RTKN2: variants seen among roughly 807,000 people sequenced by gnomAD.
RTKN2 encodes the protein rhotekin 2.
Under a neutral mutation model 71.5 loss-of-function variants are expected in RTKN2, and 69 were observed. That is an observed-to-expected ratio of 0.96 (90% confidence interval 0.79 to 1.18). The LOEUF is 1.18. Ranked by LOEUF, RTKN2 falls within the 50% of genes most tolerant of loss-of-function variation. RTKN2 has a pLI of 0.00. For missense variants in RTKN2, 724 were observed against 719.7 expected, an observed-to-expected ratio of 1.01 and a Z score of -0.07; for synonymous variants, 236 against 236.5, an observed-to-expected ratio of 1.00 and a Z score of 0.02.
At chr10:62,264,426 C>A (rs1842832622) in intron 1 of RTKN2, among the ~76,000 whole-genome samples, 1 of 152,190 alleles carries the variant, frequency 6.6e-6, no homozygotes, top group South Asian at 2.1e-4. Context: ...TTACACATGA[C>A]TGAATTTCAA....
intron 9 of RTKN2, among the ~76,000 whole-genome samples, chr10:62,207,418 G>A (rs1841569703): frequency 6.6e-6 from 1 of 151,978 alleles, no homozygotes; most frequent in Non-Finnish European, 1.5e-5. Flanking sequence ...TAATTTAATG[G>A]AAAACTTTTA....
chr10:62,212,490 C>A (rs562378209), intron 9 of RTKN2, among the ~76,000 whole-genome samples: 487 of 152,058 alleles, frequency 3.2e-3, no homozygotes, highest in Non-Finnish European at 5.0e-3. Context: ...ATTGCTTGAG[C>A]CGAGGAGTTT....
At chr10:62,202,069 A>G (rs1022391056) in intron 10 of RTKN2, among the ~76,000 whole-genome samples, 8 of 152,148 alleles carry the variant, frequency 5.3e-5, no homozygotes, top group Non-Finnish European at 1.0e-4. Context: ...TAAAAATTTA[A>G]TGTTCCAAAT....
chr10:62,243,049 T>G (rs952080791), intron 3 of RTKN2, among the ~76,000 whole-genome samples: 1 of 151,984 alleles, frequency 6.6e-6, no homozygotes, highest in African/African-American at 2.4e-5. Context: ...TTGTTACATA[T>G]GTATACATGT....
chr10:62,267,438 T>C (rs537858399), intron 1 of RTKN2, among the ~76,000 whole-genome samples: 1 of 152,180 alleles, frequency 6.6e-6, no homozygotes, highest in East Asian at 1.9e-4. Context: ...TAAATCAAGA[T>C]TTTGTTAGCA....
At position 62,197,893 on chromosome 10, in the gene RTKN2, A is replaced by T; in HGVS notation, c.*15T>A. On this transcript the variant is annotated 3_prime_UTR_variant, in exon 12 of 12. Coordinates refer to ENST00000373789, the MANE Select transcript of RTKN2 (RefSeq NM_145307.4). ...AGTTATAGATTTTGTTAAATGTTTT[A>T]TCATTAAGAGTTTTCTATACTTGTG... 1 of 1,585,298 alleles carries T rather than the reference A, an allele frequency of 6.3e-7. No homozygotes were observed. Among genetic ancestry groups the T allele is most frequent in the Non-Finnish European group, 8.6e-7 (1 of 1,168,344 alleles).
chr10:62,240,897 C>T (rs564673689), intron 4 of RTKN2, among the ~76,000 whole-genome samples: 13 of 152,194 alleles, frequency 8.5e-5, no homozygotes, highest in African/African-American at 1.2e-4. Context: ...ACTCTGAACC[C>T]GGTACTTACT....
intron 2 of RTKN2, among the ~76,000 whole-genome samples, chr10:62,260,974 A>G (rs1288197323): frequency 6.6e-6 from 1 of 152,188 alleles, no homozygotes; most frequent in Non-Finnish European, 1.5e-5. Flanking sequence ...AGGAATAAGA[A>G]AGCAGAACCT....
intron 2 of RTKN2, among the ~76,000 whole-genome samples, chr10:62,252,071 T>A (rs532110312): frequency 6.6e-6 from 1 of 152,074 alleles, no homozygotes; most frequent in South Asian, 2.1e-4. Flanking sequence ...GAAATAATAT[T>A]TTTATATAAT....
chr10:62,215,064 C>A lies in RTKN2; in HGVS notation c.1020+2054G>T, dbSNP rs536051486. ...TGAGATATGGCGAGTTGAATTCCTT[C>A]GAGACTGTCTTCAAATAAAACTAAT... On this transcript the variant is annotated intron_variant, in intron 9 of 11. Coordinates refer to ENST00000373789, the MANE Select transcript of RTKN2 (RefSeq NM_145307.4). 4 of 1,518,864 alleles carry A rather than the reference C, an allele frequency of 2.6e-6. No homozygotes were observed. In the African/African-American group the frequency reaches 4.2e-5, roughly 16 times the overall value. The allele number at this position is 1,518,864 out of a possible 1,614,324, so 94.1% of individuals were successfully genotyped here.
At chr10:62,244,158 C>T (rs139233209) in intron 3 of RTKN2, among the ~76,000 whole-genome samples, 3 of 152,220 alleles carry the variant, frequency 2.0e-5, no homozygotes, top group South Asian at 2.1e-4. Flanking sequence ...ACAAAGGTCA[C>T]ATTTTCATCC....
chr10:62,218,722 G>T (rs1841834558), intron 7 of RTKN2, among the ~76,000 whole-genome samples: 1 of 152,144 alleles, frequency 6.6e-6, no homozygotes, highest in African/African-American at 2.4e-5. Flanking sequence ...GTGATCCTCT[G>T]AATAAAACAT....
In RTKN2 at chr10:62,196,910, T is replaced by C. The variant is rs938866547; in HGVS notation, c.*998A>G. ...CACTATGATTAGTTGCTATGGAAATTACCTCCTATGGAAATGATTCCAATG... is the reference window on the plus strand; with the variant it reads ...CACTATGATTAGTTGCTATGGAAATCACCTCCTATGGAAATGATTCCAATG... On this transcript the variant is annotated 3_prime_UTR_variant, in exon 12 of 12. Coordinates refer to ENST00000373789, the MANE Select transcript of RTKN2 (RefSeq NM_145307.4). 1.0e-6 allele frequency: 1 copy of C among 983,860 alleles called. No homozygotes were observed. The highest frequency in any genetic ancestry group is 6.2e-5 in the Admixed American group (1 of 16,238). 60.9% of individuals were successfully genotyped at this position (983,860 alleles called of 1,614,324 possible). A position where few individuals can be genotyped will look rare whatever the true frequency, so the allele number is the denominator to read the frequency against.
At chr10:62,235,897 A>G (rs1842247768) in intron 6 of RTKN2, among the ~76,000 whole-genome samples, 169 bp downstream of exon 6, 1 of 152,080 alleles carries the variant, frequency 6.6e-6, no homozygotes, top group Non-Finnish European at 1.5e-5. Flanking sequence ...CCTACCTTTA[A>G]AGGAGGGTAT....
At chr10:62,234,514 G>C (rs1232033909) in intron 6 of RTKN2, among the ~76,000 whole-genome samples, 1 of 146,596 alleles carries the variant, frequency 6.8e-6, no homozygotes, top group South Asian at 2.1e-4. Flanking sequence ...AAAAGAAAAA[G>C]AAAAAGAAAA....
rs112515520 is a variant in RTKN2, at chr10:62,235,992, C to T, written c.686+74G>A. ...TTTTTCCATTTATAAAGTAAACATA[C>T]ACTTCACATATAATACTTTAAAATA... On this transcript the variant is annotated intron_variant, in intron 6 of 11. Transcript: ENST00000373789. 15 of 1,064,104 alleles carry T rather than the reference C, an allele frequency of 1.4e-5. No homozygotes were observed. In the African/African-American group the frequency reaches 1.5e-4, roughly 10 times the overall value. 65.9% of individuals were successfully genotyped at this position (1,064,104 alleles called of 1,614,324 possible).
At chr10:62,238,555 T>A (rs1443473946) in intron 5 of RTKN2, 1 of 151,982 alleles carries the variant, frequency 6.6e-6, no homozygotes, top group African/African-American at 2.4e-5. Context: ...TGGAAATAAA[T>A]GTATTCAGAT....
At chr10:62,216,975 A>C in intron 9 of RTKN2, 143 bp downstream of exon 9, 1 of 505,824 alleles carries the variant, frequency 2.0e-6, no homozygotes. Flanking sequence ...GAAAAACAGA[A>C]ACAGATTAAA....
chr10:62,201,442 G>A (rs1376641566), intron 10 of RTKN2, among the ~76,000 whole-genome samples: 2 of 152,004 alleles, frequency 1.3e-5, no homozygotes, highest in African/African-American at 4.8e-5. Flanking sequence ...ATAAATTCTT[G>A]AGTACAAGGC....
Sources: allele counts gnomAD v4.1 joint callset (sites outside exome capture counted in the v4.1 genomes callset), GRCh38; gene constraint gnomAD v4.1.1; transcripts MANE v1.5; gene names NCBI Gene and HGNC (gene_info 2026-07-23, HGNC 2026-07-21).